Variants in BRPF3 observed in about 807,000 individuals in gnomAD.
BRPF3 encodes the protein bromodomain and PHD finger containing 3.
BRPF3 carries 18 observed loss-of-function variants against 102.0 expected under a neutral mutation model. The observed-to-expected ratio is 0.18, with a 90% CI of 0.12 to 0.26. BRPF3 has a LOEUF of 0.26. Among genes scored for constraint, BRPF3 ranks in the 10% least tolerant of loss-of-function variants. BRPF3 has a pLI of 1.00. For missense variants in BRPF3, 1,147 were observed against 1,567.8 expected, an observed-to-expected ratio of 0.73 and a Z score of 4.53; for synonymous variants, 570 against 614.2, an observed-to-expected ratio of 0.93 and a Z score of 1.06.
intron 12 of BRPF3, among the ~76,000 whole-genome samples, chr6:36,229,434 G>C (rs1768857567): frequency 6.6e-6 from 1 of 152,218 alleles, no homozygotes. Context: ...TTTTTGCCCT[G>C]TGCCAACTAG....
At position 36,210,640 on chromosome 6, in the gene BRPF3, C is replaced by A; in HGVS notation, c.2179+112C>A. 2 of 986,016 alleles carry A rather than the reference C, an allele frequency of 2.0e-6. No homozygotes were observed. Among genetic ancestry groups the A allele is most frequent in the Non-Finnish European group, 2.9e-6 (2 of 679,848 alleles). The allele number at this position is 986,016 out of a possible 1,614,324, so 61.1% of individuals were successfully genotyped here. A position where few individuals can be genotyped will look rare whatever the true frequency, so the allele number is the denominator to read the frequency against. Reference sequence around the variant, plus strand: ...TGGGGCTATAGGTAGACTCCAGGAGCAAAGCTGAGGGTGAGCACAGACTGA... The same window carrying A: ...TGGGGCTATAGGTAGACTCCAGGAGAAAAGCTGAGGGTGAGCACAGACTGA... On this transcript the variant is annotated intron_variant, in intron 6 of 12. Transcript: ENST00000357641. The surrounding 1 kb of genome is among the most constrained non-coding windows in gnomAD (Gnocchi z 4.7).
chr6:36,218,708 C>T (rs999698866), intron 9 of BRPF3, among the ~76,000 whole-genome samples: 1 of 152,132 alleles, frequency 6.6e-6, no homozygotes, highest in Non-Finnish European at 1.5e-5. Context: ...ATCTGCCCGC[C>T]GCAGCATCCC....
intron 7 of BRPF3, 67 bp from the exon 8 acceptor site, chr6:36,213,813 C>G: frequency 6.7e-7 from 1 of 1,485,982 alleles, no homozygotes. Flanking sequence ...TTGTCAGTGT[C>G]AGTATCTAGC....
At chr6:36,205,540 A>G (rs2127279415) in intron 3 of BRPF3, among the ~76,000 whole-genome samples, 1 of 152,258 alleles carries the variant, frequency 6.6e-6, no homozygotes, top group East Asian at 1.9e-4. Flanking sequence ...GCTCCACTGA[A>G]GCCTCCCCTA....
Position 36,229,065 on chromosome 6 carries a change from G to A in BRPF3, c.3434+9G>A, listed in dbSNP as rs746948010. ...GACAACAAGCGCACCTGGTTAGTGG[G>A]TGCTGCTGTGAGGGGGCTGAGGGGC... is the stretch of plus-strand genomic sequence containing the variant. On this transcript the variant is annotated intron_variant, in intron 12 of 12. Coordinates refer to ENST00000357641, the MANE Select transcript of BRPF3 (RefSeq NM_015695.3). 3.1e-6 allele frequency: 5 copies of A among 1,613,348 alleles called. No homozygotes were observed. In the South Asian group the frequency reaches 5.5e-5, roughly 18 times the overall value.
At position 36,210,161 on chromosome 6, in the gene BRPF3, G is replaced by A. The variant is rs1768050057; in HGVS notation, c.1867-55G>A. ...GAGGCCAAGAGTATTGGTGAAGGGTGTGTCTGTTTGGCTAGTAAATGGTTG... is the reference window on the plus strand; with the variant it reads ...GAGGCCAAGAGTATTGGTGAAGGGTATGTCTGTTTGGCTAGTAAATGGTTG... On this transcript the variant is annotated intron_variant, in intron 5 of 12. Coordinates refer to ENST00000357641, the MANE Select transcript of BRPF3 (RefSeq NM_015695.3). The surrounding 1 kb of genome is among the most constrained non-coding windows in gnomAD (Gnocchi z 4.7). The A allele has an allele frequency of 1.3e-6, 2 of 1,585,170 alleles. No individual in the cohort carries two copies. Among genetic ancestry groups the A allele is most frequent in the African/African-American group, 1.3e-5 (1 of 74,310 alleles).
Position 36,211,345 on chromosome 6 carries a change from G to A in BRPF3, c.2267G>A (p.Ser756Asn). Residue 756 changes from serine to asparagine, a missense_variant, in exon 7 of 13, where the codon AGC (serine) becomes AAC (asparagine). Transcript: ENST00000357641. ...KELLEKLDLV[S>N]AMRSSGARTR... ...CTGCTGGAGAAACTGGACCTGGTGA[G>A]CGCCATGCGGTCCAGTGGGGCCCGC... 6.2e-7 allele frequency: 1 copy of A among 1,614,254 alleles called. No individual in the cohort carries two copies. The highest frequency in any genetic ancestry group is 8.5e-7 in the Non-Finnish European group (1 of 1,180,044).
At chr6:36,198,368 T>C (rs1767580237) in intron 1 of BRPF3, among the ~76,000 whole-genome samples, 1 of 152,190 alleles carries the variant, frequency 6.6e-6, no homozygotes, top group Non-Finnish European at 1.5e-5. Context: ...CTTAAGGGAC[T>C]TTCTCTAGGT....
Position 36,200,977 on chromosome 6 carries a change from C to T in BRPF3, c.655C>T (p.Leu219=), listed in dbSNP as rs1203642008. ...IDEDAFCCVC[L]DDECHNSNVI... The stretch of plus-strand genomic sequence containing the variant: ...TGAAGACGCTTTCTGCTGTGTGTGC[C>T]TGGATGATGAATGTCACAATAGCAA... The change falls in exon 2 of 13, where the codon CTG becomes TTG. Residue 219 remains leucine, a synonymous_variant. Coordinates refer to ENST00000357641, the MANE Select transcript of BRPF3 (RefSeq NM_015695.3). The surrounding 1 kb of genome is among the most constrained non-coding windows in gnomAD (Gnocchi z 5.3). The T allele has an allele frequency of 3.7e-6, 6 of 1,614,080 alleles. No homozygotes were observed. In the African/African-American group the frequency reaches 8.0e-5, roughly 22 times the overall value.
At chr6:36,206,899 G>A (rs890178115) in intron 3 of BRPF3, among the ~76,000 whole-genome samples, 1 of 152,104 alleles carries the variant, frequency 6.6e-6, no homozygotes, top group Admixed American at 6.5e-5. Flanking sequence ...ATCGTGATTT[G>A]TTTGTTGTTG....
chr6:36,202,419 C>A (rs867215134), intron 2 of BRPF3, among the ~76,000 whole-genome samples: 4 of 142,578 alleles, frequency 2.8e-5, no homozygotes, highest in Admixed American at 6.9e-5. Flanking sequence ...GACCCCCCCC[C>A]CCTCCGCCCC....
intron 12 of BRPF3, 150 bp downstream of exon 12, chr6:36,229,206 A>G (rs1375329674): frequency 1.0e-6 from 1 of 998,052 alleles, no homozygotes; most frequent in African/African-American, 1.6e-5. Context: ...TGGCATGTTA[A>G]TAGTAACTGA....
intron 11 of BRPF3, among the ~76,000 whole-genome samples, chr6:36,227,427 A>G (rs950579801): frequency 1.3e-5 from 2 of 152,228 alleles, no homozygotes; most frequent in African/African-American, 4.8e-5. Context: ...GTTAAGTTTT[A>G]TCACAAACTT....
At position 36,201,488 on chromosome 6, in the gene BRPF3, C is replaced by G; in HGVS notation, c.1166C>G (p.Pro389Arg). Reference sequence around the variant, plus strand: ...GCCTACTGTGAGGCCCACTCGCCACCAGGTGCGGCCACTGCTAGGAGGAAG... The same window carrying G: ...GCCTACTGTGAGGCCCACTCGCCACGAGGTGCGGCCACTGCTAGGAGGAAG... ...KTAYCEAHSP[P>R]GAATARRKGD... Residue 389 changes from proline to arginine, a missense_variant, in exon 2 of 13, where the codon CCA becomes CGA. Around this residue, in one of 11 missense-constraint regions of BRPF3, gnomAD observed 157 missense variants for 163.6 expected, o/e 0.96. Transcript: ENST00000357641. The surrounding 1 kb of genome is among the most constrained non-coding windows in gnomAD (Gnocchi z 5.1). The G allele has an allele frequency of 6.2e-7, 1 of 1,614,200 alleles. No individual in the cohort carries two copies. The highest frequency in any genetic ancestry group is 8.5e-7 in the Non-Finnish European group (1 of 1,180,048).
intron 2 of BRPF3, among the ~76,000 whole-genome samples, chr6:36,204,064 A>G (rs1767815431): frequency 6.6e-6 from 1 of 152,016 alleles, no homozygotes; most frequent in Admixed American, 6.5e-5. Context: ...GGGTTTTCAC[A>G]TTTCCCATCC....
chr6:36,203,753 AC>A (rs1354567402), intron 2 of BRPF3, among the ~76,000 whole-genome samples: 1 of 152,202 alleles, frequency 6.6e-6, no homozygotes, highest in African/African-American at 2.4e-5. Context: ...GGCCTTGCTT[AC>A]CCTGTGGATA....
intron 3 of BRPF3, 143 bp from the exon 4 acceptor site, chr6:36,207,170 T>C: frequency 1.0e-6 from 1 of 972,850 alleles, no homozygotes; most frequent in South Asian, 1.7e-5. Context: ...AGGCATGGGG[T>C]AGAGAGGGGT....
At chr6:36,204,052 C>T (rs1767814804) in intron 2 of BRPF3, among the ~76,000 whole-genome samples, 1 of 152,178 alleles carries the variant, frequency 6.6e-6, no homozygotes, top group Non-Finnish European at 1.5e-5. Context: ...GTTTAGCCAG[C>T]TGGGTTTTCA....
At chr6:36,207,955 T>TGCCTGGGTTGAA (rs1229185450) in intron 4 of BRPF3, among the ~76,000 whole-genome samples, 6 of 152,248 alleles carry the variant, frequency 3.9e-5, no homozygotes, top group East Asian at 1.9e-4. Context: ...GAACATGAGC[T>TGCCTGGGTTGAA]ATGGCACCAG....
Sources: allele counts gnomAD v4.1 joint callset (sites outside exome capture counted in the v4.1 genomes callset), GRCh38; gene constraint gnomAD v4.1.1; regional missense constraint gnomAD v4.1.1; non-coding constraint Gnocchi (gnomAD v3.1); transcripts MANE v1.5; gene names NCBI Gene and HGNC (gene_info 2026-07-23, HGNC 2026-07-21).